Variants in IMMP2L observed in about 807,000 individuals in gnomAD.
IMMP2L encodes inner mitochondrial membrane peptidase subunit 2, also known as mitochondrial inner membrane protease subunit 2.
Under a neutral mutation model 19.3 loss-of-function variants are expected in IMMP2L, and 18 were observed. That is an observed-to-expected ratio of 0.93 (90% CI 0.64 to 1.38). IMMP2L has a LOEUF of 1.38. Among genes scored for constraint, IMMP2L ranks in the 40% most tolerant of loss-of-function variants. The probability of loss-of-function intolerance (pLI) is 0.00; values close to 1 mark genes in which losing one functional copy is unlikely to be tolerated. For missense variants in IMMP2L, 233 were observed against 218.2 expected (o/e 1.07, Z -0.43); for synonymous variants, 76 against 73.0 (o/e 1.04, Z -0.21).
intron 3 of IMMP2L, among the ~76,000 whole-genome samples, chr7:110,970,873 C>T (rs75349349): frequency 0.03 from 4,634 of 152,190 alleles, 108 homozygotes; most frequent in South Asian, 0.058. Context: ...GCCTCATAAC[C>T]GTAACACTTC....
chr7:111,344,599 G>A (rs1456052632), intron 3 of IMMP2L, among the ~76,000 whole-genome samples: 1 of 152,162 alleles, frequency 6.6e-6, no homozygotes, highest in Non-Finnish European at 1.5e-5. Context: ...GCTGTCTATA[G>A]GTGTAATATA....
intron 3 of IMMP2L, among the ~76,000 whole-genome samples, chr7:111,262,655 A>G (rs1817438785): frequency 6.6e-6 from 1 of 152,160 alleles, no homozygotes; most frequent in Non-Finnish European, 1.5e-5. Context: ...AAGATTTATG[A>G]GGTATATCTC....
chr7:110,831,341 A>G (rs953146), intron 5 of IMMP2L, among the ~76,000 whole-genome samples: 63,766 of 151,914 alleles, frequency 0.42, 15,146 homozygotes, highest in East Asian at 0.72. Context: ...CTCCCCTAGA[A>G]ACATTCAGGT....
intron 3 of IMMP2L, among the ~76,000 whole-genome samples, chr7:111,023,654 C>T (rs1164847893): frequency 6.6e-6 from 1 of 152,076 alleles, no homozygotes; most frequent in Non-Finnish European, 1.5e-5. Flanking sequence ...TTGCAGTGAG[C>T]CGAGATCATG....
intron 3 of IMMP2L, among the ~76,000 whole-genome samples, chr7:111,452,600 C>G (rs1585166453): frequency 6.6e-6 from 1 of 152,062 alleles, no homozygotes; most frequent in South Asian, 2.1e-4. Flanking sequence ...AGTGAACTAT[C>G]CAAATTTTAT....
At chr7:111,303,636 G>A (rs1822505678) in intron 3 of IMMP2L, among the ~76,000 whole-genome samples, 1 of 152,060 alleles carries the variant, frequency 6.6e-6, no homozygotes, top group Admixed American at 6.6e-5. Context: ...CCATATGTCA[G>A]AAATAATAAT....
chr7:110,800,209 AG>A (rs1347472449), intron 5 of IMMP2L, among the ~76,000 whole-genome samples: 2 of 152,154 alleles, frequency 1.3e-5, no homozygotes, highest in East Asian at 3.9e-4. Flanking sequence ...GAAGATCATT[AG>A]GAAGTGTGAG....
intron 3 of IMMP2L, among the ~76,000 whole-genome samples, chr7:111,217,120 TCTCTCTCA>T (rs1387603440): frequency 7.3e-6 from 1 of 137,810 alleles, no homozygotes; most frequent in Non-Finnish European, 1.6e-5. Context: ...TCTCTCTCTC[TCTCTCTCA>T]CACACACACA....
At chr7:110,699,779 A>AT (rs35162461) in intron 5 of IMMP2L, among the ~76,000 whole-genome samples, 1 of 146,444 alleles carries the variant, frequency 6.8e-6, no homozygotes, top group Non-Finnish European at 1.5e-5. Flanking sequence ...AAAAAAAAAA[A>AT]TAAGGTGAAA....
At chr7:110,776,149 C>T (rs1399304692) in intron 5 of IMMP2L, among the ~76,000 whole-genome samples, 1 of 151,896 alleles carries the variant, frequency 6.6e-6, no homozygotes, top group African/African-American at 2.4e-5. Context: ...GTTTAATGAA[C>T]ACCAAAGTCA....
At chr7:111,250,801 C>T (rs1007285106) in intron 3 of IMMP2L, among the ~76,000 whole-genome samples, 4 of 152,052 alleles carry the variant, frequency 2.6e-5, no homozygotes, top group African/African-American at 4.8e-5. Context: ...TATAAAAACC[C>T]TAGAAGAAAA....
Position 110,877,189 on chromosome 7 carries a change from C to T in IMMP2L, c.408+9404G>A, listed in dbSNP as rs865890302. On this transcript the variant is annotated intron_variant, in intron 5 of 5. Coordinates refer to ENST00000405709, the MANE Select transcript of IMMP2L (RefSeq NM_032549.4). This position sits in a 1 kb window ranked among gnomAD's most constrained non-coding sequence, Gnocchi z 4.0. ...GATTTGGTTCAAGGGCCATATTTCA[C>T]TGAACCCTGTTCTAGATGAACCTTT... Among the ~76,000 whole-genome samples the T allele has an allele frequency of 6.6e-6, 1 of 152,168 alleles. No homozygotes were observed. The highest frequency in any genetic ancestry group is 2.4e-5 in the African/African-American group (1 of 41,450).
At chr7:111,236,285 A>C (rs143267302) in intron 3 of IMMP2L, among the ~76,000 whole-genome samples, 1 of 152,200 alleles carries the variant, frequency 6.6e-6, no homozygotes, top group East Asian at 1.9e-4. Context: ...GTCCTGAGGA[A>C]CATCCTTGAG....
At chr7:111,201,820 C>T (rs1810170048) in intron 3 of IMMP2L, among the ~76,000 whole-genome samples, 1 of 152,042 alleles carries the variant, frequency 6.6e-6, no homozygotes, top group African/African-American at 2.4e-5. Flanking sequence ...ATAAAAGAGG[C>T]TAAAGAGCTT....
chr7:111,332,299 C>T (rs1825957528), intron 3 of IMMP2L, among the ~76,000 whole-genome samples: 2 of 151,716 alleles, frequency 1.3e-5, no homozygotes, highest in South Asian at 4.1e-4. Context: ...TATAATATAG[C>T]GTGCATAATA....
intron 3 of IMMP2L, among the ~76,000 whole-genome samples, chr7:111,168,845 A>C (rs1215506407): frequency 6.6e-6 from 1 of 151,940 alleles, no homozygotes; most frequent in Non-Finnish European, 1.5e-5. Context: ...TTACCAAATT[A>C]AATTGGTATC....
At chr7:111,007,020 T>C (rs1824362025) in intron 3 of IMMP2L, among the ~76,000 whole-genome samples, 1 of 152,106 alleles carries the variant, frequency 6.6e-6, no homozygotes, top group Non-Finnish European at 1.5e-5. Context: ...CAGTTTTCAC[T>C]CTGCTATAAA....
intron 1 of IMMP2L, among the ~76,000 whole-genome samples, chr7:111,557,909 T>C (rs1313014024): frequency 2.0e-5 from 3 of 151,354 alleles, no homozygotes; most frequent in African/African-American, 4.9e-5. Context: ...ACTTTGAGTA[T>C]AGAAAAAAAA....
rs149326319 is a variant in IMMP2L, at chr7:111,506,415, T to G, written c.135+14898A>C. Among the ~76,000 whole-genome samples the G allele has an allele frequency of 1.8e-4, 27 of 152,126 alleles. No homozygotes were observed. The East Asian group carries it at 5.0e-3, about 28-fold the overall frequency. On this transcript the variant is annotated intron_variant, in intron 2 of 5. Coordinates refer to ENST00000405709, the MANE Select transcript of IMMP2L (RefSeq NM_032549.4). The stretch of plus-strand genomic sequence containing the variant: ...AAAACTACATCCATATCTTCCTTCT[T>G]TTTTCTTTTTCTTGCCCTGTCCCCC...
Sources: gnomAD v4.1 joint callset for allele counts (sites outside exome capture counted in the v4.1 genomes callset) on GRCh38, gnomAD v4.1.1 for gene constraint, Gnocchi (gnomAD v3.1) non-coding constraint, MANE v1.5 for transcripts, NCBI Gene and HGNC (gene_info 2026-07-23, HGNC 2026-07-21) for gene names.